HPGDS: variants seen among roughly 807,000 people sequenced by gnomAD.
HPGDS encodes the protein GST class-sigma.
In HPGDS, 26 loss-of-function variants were observed where a neutral mutation model predicts 23.1. The ratio of observed to expected loss-of-function variants is 1.13; its 90% CI spans 0.83 to 1.56. HPGDS has a LOEUF of 1.56. Ranked by LOEUF, HPGDS falls within the 40% of genes most tolerant of loss-of-function variation. The pLI is 0.00. For synonymous variants in HPGDS, 95 were observed against 77.9 expected, an observed-to-expected ratio of 1.22 and a Z score of -1.16; for missense variants, 268 against 236.4, an observed-to-expected ratio of 1.13 and a Z score of -0.88.
intron 4 of HPGDS, chr4:94,303,919 A>G (rs1300324312): frequency 6.6e-6 from 1 of 152,160 alleles, no homozygotes; most frequent in Non-Finnish European, 1.5e-5. Flanking sequence ...GAATTATTTC[A>G]GTCTAATGAA....
intron 3 of HPGDS, among the ~76,000 whole-genome samples, chr4:94,312,197 C>G (rs1456126518): frequency 6.6e-6 from 1 of 152,006 alleles, no homozygotes; most frequent in East Asian, 1.9e-4. Flanking sequence ...AATGTGTTTG[C>G]TCTTGCTTTT....
At chr4:94,329,985 G>T (rs1480895786) in intron 2 of HPGDS, among the ~76,000 whole-genome samples, 1 of 152,208 alleles carries the variant, frequency 6.6e-6, no homozygotes, top group Non-Finnish European at 1.5e-5. Context: ...CTTGTGACAG[G>T]AATGATGGTC....
Position 94,336,092 on chromosome 4 carries a change from G to T in HPGDS, c.-9-1454C>A, listed in dbSNP as rs538529370. Among the ~76,000 whole-genome samples the T allele has an allele frequency of 9.9e-5, 15 of 151,968 alleles. No individual in the cohort carries two copies. In the East Asian group the frequency reaches 2.9e-3, roughly 29 times the overall value. ...GTGGTGGTGCGCGCCTGTAATCCCA[G>T]CTATTCAGGAGGCTGAGGCAGGAGA... On this transcript the variant is annotated intron_variant, in intron 1 of 5. Transcript: ENST00000295256.
chr4:94,323,804 T>G (rs772484577), intron 2 of HPGDS, among the ~76,000 whole-genome samples: 27 of 152,306 alleles, frequency 1.8e-4, no homozygotes, highest in Non-Finnish European at 2.9e-4. Context: ...GATCCAGTCA[T>G]TATATTAGCT....
intron 2 of HPGDS, among the ~76,000 whole-genome samples, chr4:94,319,315 C>G (rs1234144320): frequency 1.3e-5 from 2 of 152,022 alleles, no homozygotes; most frequent in East Asian, 3.9e-4. Flanking sequence ...TCTATTTTGT[C>G]TGCTATAAAC....
rs1334027478 is a variant in HPGDS, at chr4:94,310,174, C to T, written c.227-1431G>A. Among the ~76,000 whole-genome samples the T allele has an allele frequency of 2.0e-5, 3 of 152,146 alleles. No homozygotes were observed. In the East Asian group the frequency reaches 5.8e-4, roughly 29 times the overall value. On this transcript the variant is annotated intron_variant, in intron 3 of 5. Coordinates refer to ENST00000295256, the MANE Select transcript of HPGDS (RefSeq NM_014485.3). ...TCAATTCTGGCTTTTGTTGCCATTG[C>T]TTTTGGTGTTTTAGACATGAAGTCC...
chr4:94,340,311 C>CTTTTTCTT (rs1560598005), intron 1 of HPGDS, among the ~76,000 whole-genome samples: 13 of 23,676 alleles, frequency 5.5e-4, no homozygotes, highest in African/African-American at 1.5e-3. Context: ...CTTTCTTTCT[C>CTTTTTCTT]TTTTTTTTTT....
chr4:94,340,819 C>T (rs529191089), intron 1 of HPGDS, among the ~76,000 whole-genome samples: 1 of 147,768 alleles, frequency 6.8e-6, no homozygotes, highest in South Asian at 2.2e-4. Context: ...CCACCACGCC[C>T]GGCAAATTTT....
chr4:94,318,528 T>C (rs1479707416), intron 2 of HPGDS, among the ~76,000 whole-genome samples: 1 of 152,166 alleles, frequency 6.6e-6, no homozygotes. Flanking sequence ...CATATATTTG[T>C]ATAGTTTCCA....
chr4:94,325,100 C>G (rs900366427), intron 2 of HPGDS, among the ~76,000 whole-genome samples: 1 of 152,160 alleles, frequency 6.6e-6, no homozygotes, highest in Admixed American at 6.5e-5. Flanking sequence ...GGCTGCAGAA[C>G]AGCAAATATT....
chr4:94,312,343 T>A (rs1560586976), intron 3 of HPGDS, among the ~76,000 whole-genome samples: 1 of 152,246 alleles, frequency 6.6e-6, no homozygotes, highest in Non-Finnish European at 1.5e-5. Flanking sequence ...GTTGTGTCTT[T>A]GTTCTCATTG....
chr4:94,308,581 G>T, intron 4 of HPGDS, 53 bp downstream of exon 4: 1 of 880,712 alleles, frequency 1.1e-6, no homozygotes, highest in Non-Finnish European at 1.9e-6. Context: ...CTAACACAAT[G>T]TCTGGCAGGT....
chr4:94,341,899 C>G (rs748735235), intron 1 of HPGDS, among the ~76,000 whole-genome samples: 13 of 152,300 alleles, frequency 8.5e-5, no homozygotes, highest in Non-Finnish European at 1.8e-4. Flanking sequence ...AGGGGAACTT[C>G]TTGCATATAC....
chr4:94,299,583 T>C lies in HPGDS; in HGVS notation c.497A>G (p.Asp166Gly). 1.7e-5 allele frequency: 28 copies of C among 1,614,122 alleles called. No individual in the cohort carries two copies. Among genetic ancestry groups the C allele is most frequent in the Non-Finnish European group, 2.3e-5 (27 of 1,180,012 alleles). Residue 166 changes from aspartate to glycine, a missense_variant, in exon 6 of 6, where the codon GAC becomes GGC. Physicochemically the swap from Asp to Gly is moderately conservative, Grantham distance 94. Coordinates refer to ENST00000295256, the MANE Select transcript of HPGDS (RefSeq NM_014485.3). ...CAGCCTTGGATGGTTGTCTAACAGG[T>C]CAGGCTTAAAGACCAAAAGTGTGGT... ...CSTTLLVFKP[D>G]LLDNHPRLVT...
At chr4:94,332,698 A>C (rs188217924) in intron 2 of HPGDS, among the ~76,000 whole-genome samples, 38 of 152,304 alleles carry the variant, frequency 2.5e-4, no homozygotes, top group Admixed American at 7.2e-4. Flanking sequence ...GGTCAAGAAA[A>C]ATTCTCCATC....
At position 94,302,144 on chromosome 4, in the gene HPGDS, A is replaced by G. The variant is rs1439031863; in HGVS notation, c.435+2T>C. The G allele has an allele frequency of 1.9e-6, 3 of 1,589,180 alleles. No homozygotes were observed. The highest frequency in any genetic ancestry group is 4.5e-5 in the East Asian group (2 of 44,652). ...ATTTTTTAAGATATAAAACATACTC[A>G]CAGAGTTACCAATAAGCCATTCTCT... On this transcript the variant is annotated splice_donor_variant, in intron 5 of 5. Transcript: ENST00000295256. LOFTEE classifies it high-confidence loss of function.
At position 94,310,797 on chromosome 4, in the gene HPGDS, C is replaced by G. The variant is rs180902865; in HGVS notation, c.227-2054G>C. The stretch of plus-strand genomic sequence containing the variant: ...GGAATGTTCTTCCATTTGTTTGTAT[C>G]CTCTTTTATTTTGTTGAGCAGTGTT... On this transcript the variant is annotated intron_variant, in intron 3 of 5. Transcript: ENST00000295256. Among the ~76,000 whole-genome samples, 282 of 152,236 alleles carry G rather than the reference C, an allele frequency of 1.9e-3. 1 individual carries two copies. The highest frequency in any genetic ancestry group is 3.4e-3 in the Middle Eastern group (1 of 294).
At chr4:94,337,259 C>T (rs62320441) in intron 1 of HPGDS, among the ~76,000 whole-genome samples, 49,711 of 151,832 alleles carry the variant, frequency 0.33, 9,757 homozygotes, top group Non-Finnish European at 0.44. Flanking sequence ...GCGTGAGCCA[C>T]TGTGCCCAGC....
chr4:94,336,014 T>C (rs144576248), intron 1 of HPGDS, among the ~76,000 whole-genome samples: 5,715 of 152,092 alleles, frequency 0.038, 344 homozygotes, highest in African/African-American at 0.13. Flanking sequence ...GAGACCAGCC[T>C]GGCCAACATG....
Sources: gnomAD v4.1 joint callset for allele counts (sites outside exome capture counted in the v4.1 genomes callset) on GRCh38, gnomAD v4.1.1 for gene constraint, MANE v1.5 for transcripts, NCBI Gene and HGNC (gene_info 2026-07-23, HGNC 2026-07-21) for gene names.